Variants in COBL observed in about 807,000 individuals in gnomAD.
The protein encoded by COBL is protein cordon-bleu.
In COBL, 51 loss-of-function variants were observed where a neutral mutation model predicts 98.8. The ratio of observed to expected loss-of-function variants is 0.52; its 90% CI spans 0.41 to 0.65. The LOEUF (loss-of-function observed/expected upper bound fraction) is 0.65, where lower values mean the gene tolerates loss of function less well. COBL is among the 30% of genes least tolerant of loss of function. The pLI is 0.00. For missense variants in COBL, 1,617 were observed against 1,617.5 expected (o/e 1.00, Z 0.01); for synonymous variants, 634 against 651.7 (o/e 0.97, Z 0.41).
At chr7:51,148,383 G>A (rs1181750226) in intron 5 of COBL, among the ~76,000 whole-genome samples, 1 of 152,124 alleles carries the variant, frequency 6.6e-6, no homozygotes, top group African/African-American at 2.4e-5. Flanking sequence ...CAACTCTACT[G>A]GCTTTTAAGC....
chr7:51,067,485 A>C (rs1323691674), intron 7 of COBL, among the ~76,000 whole-genome samples: 3 of 152,260 alleles, frequency 2.0e-5, no homozygotes, highest in African/African-American at 7.2e-5. Context: ...ATGCACATGT[A>C]CATGAGTCTA....
At chr7:51,071,484 T>G (rs1232464564) in intron 7 of COBL, 1 of 152,164 alleles carries the variant, frequency 6.6e-6, no homozygotes, top group African/African-American at 2.4e-5. Context: ...AACTTTATGA[T>G]CAAGTAAATT....
chr7:51,291,777 T>G (rs1450327944), intron 1 of COBL, among the ~76,000 whole-genome samples: 1 of 150,494 alleles, frequency 6.6e-6, no homozygotes, highest in Non-Finnish European at 1.5e-5. Flanking sequence ...AAAAGTAAGA[T>G]TTATCAGTGC....
At chr7:51,098,367 A>T (rs2128959495) in intron 6 of COBL, among the ~76,000 whole-genome samples, 1 of 152,192 alleles carries the variant, frequency 6.6e-6, no homozygotes, top group East Asian at 1.9e-4. Context: ...GTTTCAAAAC[A>T]TATTACAAAG....
At chr7:51,168,171 G>C (rs1787507439) in intron 5 of COBL, among the ~76,000 whole-genome samples, 1 of 152,246 alleles carries the variant, frequency 6.6e-6, no homozygotes, top group East Asian at 1.9e-4. Context: ...CATCTGACAA[G>C]GGATTAATAA....
chr7:51,025,810 G>A (rs1787495463), intron 11 of COBL, among the ~76,000 whole-genome samples: 2 of 152,120 alleles, frequency 1.3e-5, no homozygotes, highest in African/African-American at 4.8e-5. Context: ...CTTACCCCTG[G>A]ACCTGAGACA....
At chr7:51,025,692 T>C (rs1157490836) in intron 11 of COBL, among the ~76,000 whole-genome samples, 1 of 152,188 alleles carries the variant, frequency 6.6e-6, no homozygotes, top group African/African-American at 2.4e-5. Flanking sequence ...TAAAATTCTG[T>C]CATTTACAAG....
chr7:51,292,174 TG>T (rs1800969260), intron 1 of COBL, among the ~76,000 whole-genome samples: 2 of 152,012 alleles, frequency 1.3e-5, no homozygotes, highest in African/African-American at 4.8e-5. Context: ...GTGGGAGAAT[TG>T]CCAAATGTTA....
At chr7:51,182,882 A>C (rs1789123756) in intron 5 of COBL, among the ~76,000 whole-genome samples, 1 of 152,018 alleles carries the variant, frequency 6.6e-6, no homozygotes, top group South Asian at 2.1e-4. Context: ...TTTGTGAAAA[A>C]CTCTTAAAGA....
chr7:51,158,862 G>A (rs1417714625), intron 5 of COBL, among the ~76,000 whole-genome samples: 5 of 152,168 alleles, frequency 3.3e-5, no homozygotes, highest in African/African-American at 7.2e-5. Flanking sequence ...GAGGCACGGG[G>A]TGGGAGACAG....
At chr7:51,149,948 A>G (rs1410622395) in intron 5 of COBL, among the ~76,000 whole-genome samples, 1 of 152,172 alleles carries the variant, frequency 6.6e-6, no homozygotes, top group Non-Finnish European at 1.5e-5. Context: ...ATAAGAATAC[A>G]AAAATGATCA....
At chr7:51,122,848 G>A (rs760481593) in intron 6 of COBL, among the ~76,000 whole-genome samples, 12 of 152,158 alleles carry the variant, frequency 7.9e-5, no homozygotes, top group Admixed American at 3.9e-4. Flanking sequence ...GCATGGTGGC[G>A]CATGGCTATA....
In COBL at chr7:51,217,704, G is replaced by A. The variant is rs147650094; in HGVS notation, c.245+2037C>T. On this transcript the variant is annotated intron_variant, in intron 2 of 12. Transcript: ENST00000265136. Reference sequence around the variant, plus strand: ...AATTGGGCTAAAATATAAGAATGGCGAGTAAACCCTAATATACCCACTGAG... The same window carrying A: ...AATTGGGCTAAAATATAAGAATGGCAAGTAAACCCTAATATACCCACTGAG... Among the ~76,000 whole-genome samples, 592 of 152,206 alleles carry A rather than the reference G, an allele frequency of 3.9e-3. 5 individuals are homozygous for A. The highest frequency in any genetic ancestry group is 0.014 in the African/African-American group (563 of 41,528).
At chr7:51,277,742 A>T (rs947502479) in intron 1 of COBL, among the ~76,000 whole-genome samples, 1 of 152,150 alleles carries the variant, frequency 6.6e-6, no homozygotes, top group Admixed American at 6.5e-5. Context: ...CCGCCCCTAC[A>T]GTGTTGCTAC....
intron 7 of COBL, among the ~76,000 whole-genome samples, chr7:51,057,872 T>A (rs1790924633): frequency 6.6e-6 from 1 of 152,186 alleles, no homozygotes; most frequent in African/African-American, 2.4e-5. Flanking sequence ...CATTTTCCCC[T>A]CCATGCCCTG....
chr7:51,277,870 A>C (rs566858232), intron 1 of COBL, among the ~76,000 whole-genome samples: 8 of 152,282 alleles, frequency 5.3e-5, no homozygotes, highest in Admixed American at 5.2e-4. Context: ...GACTCTCTAA[A>C]TACTTTCTGA....
rs776574962 is a variant in COBL, at chr7:51,028,419, C to A, written c.2677G>T (p.Glu893Ter). Residue 893 changes from glutamate to a stop codon, truncating the protein, a stop_gained, in exon 10 of 13, where the codon GAG becomes TAG. Transcript: ENST00000265136. LOFTEE classifies it high-confidence loss of function. ...ADVVRPHGYA[E>*]KGYAGKAPVL... ...GGCGCCTTGCCTGCATAACCCTTCT[C>A]GGCATAACCGTGTGGCCTCACCACA... is the stretch of plus-strand genomic sequence containing the variant. The A allele has an allele frequency of 6.2e-7, 1 of 1,614,254 alleles. No individual in the cohort carries two copies. Among genetic ancestry groups the A allele is most frequent in the Non-Finnish European group, 8.5e-7 (1 of 1,180,040 alleles).
At chr7:51,295,623 T>C (rs998598755) in intron 1 of COBL, among the ~76,000 whole-genome samples, 3 of 152,178 alleles carry the variant, frequency 2.0e-5, no homozygotes, top group Admixed American at 2.0e-4. Context: ...CAAGGATATG[T>C]ACAACACCCT....
At chr7:51,152,036 C>A (rs975648131) in intron 5 of COBL, among the ~76,000 whole-genome samples, 4 of 152,232 alleles carry the variant, frequency 2.6e-5, no homozygotes, top group African/African-American at 9.6e-5. Flanking sequence ...ACAAACTCTG[C>A]TCTTATTCAA....
Sources: gnomAD v4.1 joint callset for allele counts (sites outside exome capture counted in the v4.1 genomes callset) on GRCh38, gnomAD v4.1.1 for gene constraint, MANE v1.5 for transcripts, NCBI Gene and HGNC (gene_info 2026-07-23, HGNC 2026-07-21) for gene names.